The following HDAC9 variants were observed in gnomAD, a reference collection of about 807,000 sequenced individuals.
HDAC9 encodes the protein MEF-2 interacting transcription repressor (MITR) protein.
Under a neutral mutation model 139.4 loss-of-function variants are expected in HDAC9, and 41 were observed. That is an observed-to-expected ratio of 0.29 (90% CI 0.23 to 0.38). HDAC9 has a LOEUF of 0.38. Among genes scored for constraint, HDAC9 ranks in the 10% least tolerant of loss-of-function variants. HDAC9 has a pLI of 1.00. For missense variants in HDAC9, 1,147 were observed against 1,297.0 expected, an observed-to-expected ratio of 0.88 and a Z score of 1.78; for synonymous variants, 517 against 476.2, an observed-to-expected ratio of 1.09 and a Z score of -1.12.
chr7:18,731,251 T>A (rs942285658), intron 13 of HDAC9, among the ~76,000 whole-genome samples: 3 of 152,182 alleles, frequency 2.0e-5, no homozygotes. Flanking sequence ...ATTTGTATTT[T>A]TTTTTTAAAA....
intron 1 of HDAC9, among the ~76,000 whole-genome samples, chr7:18,325,015 G>C (rs1415593121): frequency 6.6e-6 from 1 of 152,030 alleles, no homozygotes; most frequent in Non-Finnish European, 1.5e-5. Flanking sequence ...AAACCATAGA[G>C]CTTATTGAAT....
chr7:18,460,604 G>A (rs1030501961), intron 1 of HDAC9, among the ~76,000 whole-genome samples: 1 of 151,828 alleles, frequency 6.6e-6, no homozygotes, highest in African/African-American at 2.4e-5. Context: ...GACCAATATG[G>A]AGTAACCCCA....
chr7:18,572,091 G>T (rs1211045255), intron 2 of HDAC9, among the ~76,000 whole-genome samples: 1 of 151,722 alleles, frequency 6.6e-6, no homozygotes, highest in Admixed American at 6.6e-5. Context: ...TGTTTAGAAA[G>T]AATGTTGTTA....
At chr7:18,274,139 T>C (rs1172954304) in intron 2 of HDAC9, among the ~76,000 whole-genome samples, 1 of 152,212 alleles carries the variant, frequency 6.6e-6, no homozygotes. Flanking sequence ...TTATTCGGGA[T>C]TGTTCATAAT....
chr7:18,697,295 T>C (rs758744602), intron 12 of HDAC9, among the ~76,000 whole-genome samples: 5 of 152,202 alleles, frequency 3.3e-5, no homozygotes, highest in Non-Finnish European at 7.3e-5. Flanking sequence ...AAATGGCCTA[T>C]GTGTTTTCTT....
intron 2 of HDAC9, among the ~76,000 whole-genome samples, chr7:18,242,997 G>C (rs1794289518): frequency 1.3e-5 from 2 of 152,150 alleles, no homozygotes. Flanking sequence ...TTTTGTTTTA[G>C]CTATTTGCAT....
chr7:18,552,875 A>G (rs922102491), intron 2 of HDAC9, among the ~76,000 whole-genome samples: 2 of 152,182 alleles, frequency 1.3e-5, no homozygotes, highest in Admixed American at 6.5e-5. Context: ...CATCAAAGAG[A>G]GAAGATTATT....
intron 2 of HDAC9, among the ~76,000 whole-genome samples, chr7:18,249,305 C>G (rs1794762346): frequency 6.6e-6 from 1 of 151,650 alleles, no homozygotes; most frequent in South Asian, 2.1e-4. Flanking sequence ...GAATTTAAGA[C>G]CAGCCTGGCC....
chr7:18,650,556 C>T (rs1423906060), intron 11 of HDAC9, among the ~76,000 whole-genome samples: 1 of 152,044 alleles, frequency 6.6e-6, no homozygotes, highest in African/African-American at 2.4e-5. Flanking sequence ...GTATCAAACT[C>T]GAGATTTTGA....
intron 2 of HDAC9, among the ~76,000 whole-genome samples, chr7:18,502,896 A>T (rs934726845): frequency 5.9e-5 from 9 of 152,004 alleles, no homozygotes; most frequent in African/African-American, 1.7e-4. Flanking sequence ...GGCACACAAA[A>T]TTTTTTTTGA....
At chr7:18,480,935 G>T (rs1017324415) in intron 1 of HDAC9, among the ~76,000 whole-genome samples, 2 of 152,032 alleles carry the variant, frequency 1.3e-5, no homozygotes, top group Non-Finnish European at 2.9e-5. Flanking sequence ...TCAGTTCCTC[G>T]TGCCCAAACT....
At chr7:18,536,666 A>G (rs1199997834) in intron 2 of HDAC9, among the ~76,000 whole-genome samples, 6 of 152,180 alleles carry the variant, frequency 3.9e-5, no homozygotes, top group Non-Finnish European at 8.8e-5. Context: ...ACCACCCTGA[A>G]TGATTCATCT....
intron 2 of HDAC9, among the ~76,000 whole-genome samples, chr7:18,280,775 T>A (rs1004687998): frequency 6.0e-4 from 71 of 118,900 alleles, no homozygotes; most frequent in South Asian, 1.8e-3. Context: ...AAAAAATAAA[T>A]AAATAAATAA....
intron 6 of HDAC9, among the ~76,000 whole-genome samples, chr7:18,607,299 G>A (rs961527726): frequency 2.0e-5 from 3 of 152,182 alleles, no homozygotes; most frequent in African/African-American, 7.2e-5. Context: ...GAAAAGCTAA[G>A]GTAGCCTAGA....
rs372789754 is a variant in HDAC9, at chr7:18,617,367, C to T, written c.665-11983C>T. Among the ~76,000 whole-genome samples the T allele has an allele frequency of 2.0e-4, 30 of 152,270 alleles. 1 individual carries two copies. Among genetic ancestry groups the T allele is most frequent in the African/African-American group, 7.0e-4 (29 of 41,566 alleles). On this transcript the variant is annotated intron_variant, in intron 6 of 25. Coordinates refer to ENST00000686413, the MANE Select transcript of HDAC9 (RefSeq NM_178425.4). The stretch of plus-strand genomic sequence containing the variant: ...CTCTCAACTCTCCCCAGTCCACTAC[C>T]TCATACCCCTTTGCCCTAGCAGTAA...
rs1296640804 is a variant in HDAC9, at chr7:18,609,615, G to A, written c.664+15586G>A. Among the ~76,000 whole-genome samples, 7 of 152,124 alleles carry A rather than the reference G, an allele frequency of 4.6e-5. No homozygotes were observed. In the East Asian group the frequency reaches 7.7e-4, roughly 17 times the overall value. On this transcript the variant is annotated intron_variant, in intron 6 of 25. Transcript: ENST00000686413. ...AAACAGAATTATATTTTCAGAACTC[G>A]TTAATTTTTTAAATATATATATATT...
In HDAC9 at chr7:18,981,281, T is replaced by A. The variant is rs78756851; in HGVS notation, c.3170+5328T>A. Reference sequence around the variant, plus strand: ...TGAGGAAGAAGAACATGTGAAAATATCAAGTTCATTCACTCTTTCAACACT... The same window carrying A: ...TGAGGAAGAAGAACATGTGAAAATAACAAGTTCATTCACTCTTTCAACACT... On this transcript the variant is annotated intron_variant, in intron 25 of 25. Coordinates refer to ENST00000686413, the MANE Select transcript of HDAC9 (RefSeq NM_178425.4). Among the ~76,000 whole-genome samples the A allele has an allele frequency of 2.4e-3, 367 of 152,282 alleles. 3 individuals are homozygous for A. The highest frequency in any genetic ancestry group is 8.4e-3 in the African/African-American group (349 of 41,558).
chr7:18,995,868 T>C (rs1185825068), intron 25 of HDAC9, among the ~76,000 whole-genome samples, 155 bp from the exon 26 acceptor site: 1 of 152,144 alleles, frequency 6.6e-6, no homozygotes, highest in Non-Finnish European at 1.5e-5. Flanking sequence ...GACATTTGTT[T>C]ATACTTCCTA....
intron 14 of HDAC9, 65 bp from the exon 15 acceptor site, chr7:18,762,092 T>A (rs533392408): frequency 3.2e-6 from 5 of 1,556,522 alleles, no homozygotes; most frequent in Non-Finnish European, 4.4e-6. Flanking sequence ...AAATGTGACT[T>A]GGGGTCTCAT....
Sources: gnomAD v4.1 joint callset for allele counts (sites outside exome capture counted in the v4.1 genomes callset) on GRCh38, gnomAD v4.1.1 for gene constraint, MANE v1.5 for transcripts, NCBI Gene and HGNC (gene_info 2026-07-23, HGNC 2026-07-21) for gene names.